CAPRIN2: variants seen among roughly 807,000 people sequenced by gnomAD.
The protein encoded by CAPRIN2 is caprin family member 2.
Under a neutral mutation model 130.4 loss-of-function variants are expected in CAPRIN2, and 66 were observed. The ratio of observed to expected loss-of-function variants is 0.51; its 90% CI spans 0.42 to 0.62. CAPRIN2 has a LOEUF of 0.62. Ranked by LOEUF, CAPRIN2 falls within the 20% of genes least tolerant of loss-of-function variation. The probability of loss-of-function intolerance (pLI) is 0.00; values close to 1 mark genes in which losing one functional copy is unlikely to be tolerated. For synonymous variants in CAPRIN2, 471 were observed against 444.1 expected (o/e 1.06, Z -0.76); for missense variants, 1,185 against 1,246.6 (o/e 0.95, Z 0.74).
chr12:30,711,502 G>A lies in CAPRIN2; in HGVS notation c.2665+64C>T, dbSNP rs892261895. On this transcript the variant is annotated intron_variant, in intron 16 of 16. Transcript: ENST00000298892. ...AATGTGCTTTGGAAAGAACTTGGTA[G>A]AGGATGCAGAAAGAACTAGAGACAT... The A allele has an allele frequency of 6.4e-6, 8 of 1,256,122 alleles. No individual in the cohort carries two copies. In the African/African-American group the frequency reaches 8.9e-5, roughly 14 times the overall value. 77.8% of individuals were successfully genotyped at this position (1,256,122 alleles called of 1,614,324 possible).
intron 3 of CAPRIN2, among the ~76,000 whole-genome samples, chr12:30,738,724 TA>T (rs1422029579): frequency 6.6e-6 from 1 of 151,776 alleles, no homozygotes; most frequent in Non-Finnish European, 1.5e-5. Context: ...AAATAAACAT[TA>T]AAAAATGGGC....
intron 5 of CAPRIN2, among the ~76,000 whole-genome samples, chr12:30,732,579 C>T (rs2138149228): frequency 6.6e-6 from 1 of 152,136 alleles, no homozygotes; most frequent in African/African-American, 2.4e-5. Context: ...CCCTGAAAAC[C>T]AATAACCCAC....
chr12:30,735,228 T>C, intron 3 of CAPRIN2, 22 bp from the exon 5 acceptor site: 1 of 1,561,532 alleles, frequency 6.4e-7, no homozygotes, highest in Non-Finnish European at 8.8e-7. Context: ...AATGGCTAAT[T>C]AAGGGTAACA....
At chr12:30,722,822 C>T (rs1333808194) in intron 11 of CAPRIN2, among the ~76,000 whole-genome samples, 2 of 152,058 alleles carry the variant, frequency 1.3e-5, no homozygotes, top group African/African-American at 2.4e-5. Flanking sequence ...CTGCTTGAAC[C>T]CGTGAGGCAG....
At chr12:30,724,101 C>A (rs10843821) in intron 10 of CAPRIN2, among the ~76,000 whole-genome samples, 43,483 of 152,134 alleles carry the variant, frequency 0.29, 6,412 homozygotes, top group Non-Finnish European at 0.33. Context: ...ATTCACTCCA[C>A]CAACAACATA....
At chr12:30,751,279 G>A in intron 1 of CAPRIN2, 146 bp from the exon 3 acceptor site, 1 of 658,522 alleles carries the variant, frequency 1.5e-6, no homozygotes, top group Middle Eastern at 2.7e-4. Flanking sequence ...ACGGCATGCA[G>A]CAACTGTAGA....
intron 15 of CAPRIN2, among the ~76,000 whole-genome samples, chr12:30,712,744 T>TTA (rs2136352871): frequency 7.6e-6 from 1 of 131,962 alleles, no homozygotes; most frequent in African/African-American, 3.5e-5. Context: ...TTTTTTTTTT[T>TTA]TTTTTTTTTT....
At chr12:30,753,397 C>G in exon 1 of CAPRIN2, 1 of 1,613,646 alleles carries the variant, frequency 6.2e-7, no homozygotes, top group Non-Finnish European at 8.5e-7. Flanking sequence ...AGTCCATTTT[C>G]AATATAGGTC....
intron 12 of CAPRIN2, among the ~76,000 whole-genome samples, chr12:30,717,047 T>C (rs1424948993): frequency 1.3e-5 from 2 of 152,158 alleles, no homozygotes; most frequent in African/African-American, 4.8e-5. Flanking sequence ...TTTCAAAAAG[T>C]ATAGAATTAA....
chr12:30,745,993 C>A (rs531093222), intron 2 of CAPRIN2, among the ~76,000 whole-genome samples: 26 of 152,230 alleles, frequency 1.7e-4, no homozygotes, highest in African/African-American at 6.0e-4. Flanking sequence ...AAACAAAAAT[C>A]AATCTCCAAA....
Position 30,719,240 on chromosome 12 carries a change from T to C in CAPRIN2, c.2148+1571A>G. 6 of 1,613,262 alleles carry C rather than the reference T, an allele frequency of 3.7e-6. No individual in the cohort carries two copies. Among genetic ancestry groups the C allele is most frequent in the Non-Finnish European group, 5.1e-6 (6 of 1,179,534 alleles). The stretch of plus-strand genomic sequence containing the variant: ...GGAATTGCTGCCTGGGGAGGAGAAA[T>C]GCAGCATCAGCCAATCACCTGCCAT... On this transcript the variant is annotated intron_variant, in intron 12 of 16. Transcript: ENST00000298892.
chr12:30,724,789 G>A (rs1592055397), intron 9 of CAPRIN2, among the ~76,000 whole-genome samples: 2 of 152,158 alleles, frequency 1.3e-5, no homozygotes, highest in East Asian at 1.9e-4. Flanking sequence ...TCAGGAGTTC[G>A]AGACCGGCAT....
chr12:30,729,192 T>C (rs1334311030), exon 8 of CAPRIN2: 2 of 1,614,000 alleles, frequency 1.2e-6, no homozygotes, highest in Non-Finnish European at 1.7e-6. Context: ...TTTCTTCTCT[T>C]GACCATCTGG....
intron 9 of CAPRIN2, 113 bp from the exon 11 acceptor site, chr12:30,724,564 T>G: frequency 1.4e-6 from 1 of 698,304 alleles, no homozygotes; most frequent in Non-Finnish European, 2.5e-6. Flanking sequence ...CATAAATATC[T>G]AGCTAAAGCT....
intron 10 of CAPRIN2, 116 bp from the exon 12 acceptor site, chr12:30,723,430 G>A (rs2059988410): frequency 1.8e-5 from 12 of 680,162 alleles, no homozygotes; most frequent in Middle Eastern, 5.7e-4. Context: ...GAAGGACTAC[G>A]TCTCAAGTTC....
intron 3 of CAPRIN2, among the ~76,000 whole-genome samples, chr12:30,738,682 A>G (rs1402518253): frequency 6.6e-6 from 1 of 152,218 alleles, no homozygotes; most frequent in Non-Finnish European, 1.5e-5. Flanking sequence ...AATATCCAGT[A>G]TCTATAAGGA....
chr12:30,751,193 T>C, intron 1 of CAPRIN2, 60 bp from the exon 3 acceptor site: 2 of 1,314,568 alleles, frequency 1.5e-6, no homozygotes, highest in South Asian at 2.4e-5. Flanking sequence ...GCAAATAAAG[T>C]AAATGCCAGA....
intron 3 of CAPRIN2, among the ~76,000 whole-genome samples, chr12:30,739,682 TCCAG>T (rs1332591123): frequency 1.3e-5 from 2 of 148,776 alleles, no homozygotes; most frequent in African/African-American, 5.0e-5. Flanking sequence ...GCCACTGCAC[TCCAG>T]CCTGGGCGAC....
intron 12 of CAPRIN2, chr12:30,720,482 AT>A (rs1174341131): frequency 5.7e-6 from 1 of 176,710 alleles, no homozygotes; most frequent in Non-Finnish European, 1.2e-5. Flanking sequence ...GCTTTCATTT[AT>A]ACAAATAAGA....
Sources: allele counts gnomAD v4.1 joint callset (sites outside exome capture counted in the v4.1 genomes callset), GRCh38; gene constraint gnomAD v4.1.1; transcripts MANE v1.5; gene names NCBI Gene and HGNC (gene_info 2026-07-23, HGNC 2026-07-21).